The following MACF1 variants were observed in gnomAD, a reference collection of about 807,000 sequenced individuals.
MACF1 encodes the protein microtubule actin crosslinking factor 1.
MACF1 carries 193 observed loss-of-function variants against 854.8 expected under a neutral mutation model. That is an observed-to-expected ratio of 0.23 (90% CI 0.20 to 0.25). The LOEUF (loss-of-function observed/expected upper bound fraction) is 0.25. Ranked by LOEUF, MACF1 falls within the 10% of genes least tolerant of loss-of-function variation. The pLI, the probability that MACF1 is intolerant of heterozygous loss-of-function variation, is 1.00. For missense variants in MACF1, 7,722 were observed against 8,929.1 expected, an observed-to-expected ratio of 0.86 and a Z score of 5.45; for synonymous variants, 3,185 against 3,226.7, an observed-to-expected ratio of 0.99 and a Z score of 0.44.
intron 47 of MACF1, among the ~76,000 whole-genome samples, chr1:39,360,075 GTATATACACACA>G (rs555629557): frequency 0.028 from 1,969 of 71,500 alleles, 30 homozygotes; most frequent in South Asian, 0.049. Flanking sequence ...ACACACATAT[GTATATACACACA>G]TATATACACA....
chr1:39,475,893 G>A (rs1229789534), intron 97 of MACF1, among the ~76,000 whole-genome samples: 1 of 152,216 alleles, frequency 6.6e-6, no homozygotes, highest in Admixed American at 6.5e-5. Flanking sequence ...ACTGTGGACA[G>A]ACCCAGCAGA....
chr1:39,252,836 T>G (rs1310378622), intron 4 of MACF1, among the ~76,000 whole-genome samples: 7 of 152,204 alleles, frequency 4.6e-5, no homozygotes, highest in Non-Finnish European at 8.8e-5. Flanking sequence ...GACATCTCTG[T>G]GAACAGATTC....
At chr1:39,410,001 A>G (rs1642915425) in intron 58 of MACF1, 1 of 366,030 alleles carries the variant, frequency 2.7e-6, no homozygotes. Context: ...AAAAAATTAA[A>G]CCATAAGCCA....
At position 39,110,783 on chromosome 1, in the gene MACF1, T is replaced by C. The variant is rs574490969; in HGVS notation, c.220+26345T>C. Among the ~76,000 whole-genome samples, 4 of 152,332 alleles carry C rather than the reference T, an allele frequency of 2.6e-5. No homozygotes were observed. The South Asian group carries it at 8.3e-4, about 32-fold the overall frequency. On this transcript the variant is annotated intron_variant, in intron 2 of 93. Coordinates refer to the MACF1 transcript ENST00000361689. ...GCCTTGTCTTGGGCTTGTTGGCAAA[T>C]GACGTAATACAAACCAGGGAAATGC...
chr1:39,358,315 T>C (rs1647773931), intron 45 of MACF1, among the ~76,000 whole-genome samples: 1 of 152,238 alleles, frequency 6.6e-6, no homozygotes, highest in South Asian at 2.1e-4. Flanking sequence ...TTGCTCGCTC[T>C]TCTAAAGTTT....
At chr1:39,461,339 T>C (rs1644548063) in intron 92 of MACF1, among the ~76,000 whole-genome samples, 1 of 152,158 alleles carries the variant, frequency 6.6e-6, no homozygotes, top group Admixed American at 6.6e-5. Context: ...AGTTGAGTGG[T>C]AGGACTGTGG....
intron 2 of MACF1, among the ~76,000 whole-genome samples, chr1:39,085,928 CCCT>C (rs1185941038): frequency 6.6e-6 from 1 of 152,146 alleles, no homozygotes. Context: ...TGCTGGTAAA[CCCT>C]CCTCCTCTTT....
chr1:39,099,335 T>C (rs890868323), intron 2 of MACF1, among the ~76,000 whole-genome samples: 2 of 152,182 alleles, frequency 1.3e-5, no homozygotes, highest in Non-Finnish European at 2.9e-5. Context: ...TTTTGTATTT[T>C]TAGTAGAGAC....
At chr1:39,372,788 AT>A (rs779089964) in intron 52 of MACF1, 192 bp downstream of exon 52, 15 of 503,414 alleles carry the variant, frequency 3.0e-5, no homozygotes, top group Non-Finnish European at 5.0e-5. Context: ...ATTTTGCAAA[AT>A]TCCTTCCCAT....
intron 1 of MACF1, among the ~76,000 whole-genome samples, chr1:39,213,861 G>A (rs184913318): frequency 6.6e-6 from 1 of 152,300 alleles, no homozygotes; most frequent in East Asian, 1.9e-4. Flanking sequence ...GCTTAGTCTA[G>A]GCGGGATAAA....
At chr1:39,212,534 T>A (rs1644528783) in intron 1 of MACF1, among the ~76,000 whole-genome samples, 1 of 152,190 alleles carries the variant, frequency 6.6e-6, no homozygotes, top group Non-Finnish European at 1.5e-5. Context: ...TTATTTTGAT[T>A]TTTAGAGACT....
chr1:39,088,948 T>C (rs931653831), intron 2 of MACF1, among the ~76,000 whole-genome samples: 1 of 152,216 alleles, frequency 6.6e-6, no homozygotes, highest in Non-Finnish European at 1.5e-5. Flanking sequence ...GATTCCACCA[T>C]CTACCCATCA....
rs762672746 is a variant in MACF1 at position 39,360,762 on chromosome 1, C to A, written c.12245-31C>A. On this transcript the variant is annotated intron_variant, in intron 47 of 100. Transcript: ENST00000564288. Reference sequence around the variant, plus strand: ...AAAAGCATAATACAAAAATTGTCTCCACTCTTTCTTTTCATGGCCTGATTT... The same window carrying A: ...AAAAGCATAATACAAAAATTGTCTCAACTCTTTCTTTTCATGGCCTGATTT... 11 of 1,395,584 alleles carry A rather than the reference C, an allele frequency of 7.9e-6. No individual in the cohort carries two copies. The African/African-American group carries it at 1.3e-4, about 16-fold the overall frequency. The allele number at this position is 1,395,584 out of a possible 1,614,324, so 86.5% of individuals were successfully genotyped here. A position where few individuals can be genotyped will look rare whatever the true frequency, so the allele number is the denominator to read the frequency against.
In MACF1 at chr1:39,113,469, A is replaced by G. The variant is rs562356681; in HGVS notation, c.220+29031A>G. Among the ~76,000 whole-genome samples the G allele has an allele frequency of 1.2e-4, 18 of 152,356 alleles. 1 individual carries two copies. The South Asian group carries it at 3.5e-3, about 30-fold the overall frequency. ...ATAAAAATCACTATGGAAATTTGCC[A>G]TGGTAAGAGGGAATCCAACAGTACA... On this transcript the variant is annotated intron_variant, in intron 2 of 93. Transcript: ENST00000361689.
chr1:39,199,237 G>A (rs1178258209), intron 2 of MACF1, among the ~76,000 whole-genome samples: 5 of 151,754 alleles, frequency 3.3e-5, no homozygotes, highest in South Asian at 2.1e-4. Flanking sequence ...CGCCCGCCTC[G>A]GCCTCCCAAA....
At chr1:39,244,526 C>A (rs1053096171) in intron 2 of MACF1, among the ~76,000 whole-genome samples, 4 of 151,836 alleles carry the variant, frequency 2.6e-5, no homozygotes, top group African/African-American at 9.7e-5. Flanking sequence ...CATGATCCAC[C>A]CGCCTTGGCC....
intron 49 of MACF1, among the ~76,000 whole-genome samples, chr1:39,366,347 G>A (rs903214204): frequency 6.6e-6 from 1 of 151,254 alleles, no homozygotes; most frequent in South Asian, 2.1e-4. Flanking sequence ...GTTCTTTTTT[G>A]TTTTGAGATG....
intron 58 of MACF1, among the ~76,000 whole-genome samples, chr1:39,401,884 C>G (rs1642487002): frequency 6.6e-6 from 1 of 152,194 alleles, no homozygotes; most frequent in African/African-American, 2.4e-5. Flanking sequence ...AATCTCTTCT[C>G]TCTGTATTAT....
At chr1:39,384,552 C>T (rs1569828165) in intron 56 of MACF1, among the ~76,000 whole-genome samples, 1 of 152,200 alleles carries the variant, frequency 6.6e-6, no homozygotes, top group Non-Finnish European at 1.5e-5. Context: ...CAGTCTGACT[C>T]CACATCCTGT....
Sources: gnomAD v4.1 joint callset for allele counts (sites outside exome capture counted in the v4.1 genomes callset) on GRCh38, gnomAD v4.1.1 for gene constraint, MANE v1.5 for transcripts, NCBI Gene and HGNC (gene_info 2026-07-23, HGNC 2026-07-21) for gene names.